Variants in FREM2 observed in about 807,000 individuals in gnomAD.
The protein encoded by FREM2 is FRAS1-related extracellular matrix protein 2.
FREM2 carries 119 observed loss-of-function variants against 219.9 expected under a neutral mutation model. That is an observed-to-expected ratio of 0.54 (90% CI 0.47 to 0.63). The LOEUF is 0.63. FREM2 is among the 30% of genes least tolerant of loss of function. The pLI, the probability that FREM2 is intolerant of heterozygous loss-of-function variation, is 0.00. For missense variants in FREM2, 4,030 were observed against 3,993.6 expected (o/e 1.01, Z -0.25); for synonymous variants, 1,562 against 1,522.8 (o/e 1.03, Z -0.60).
chr13:38,832,362 A>T (rs541282315), intron 6 of FREM2, among the ~76,000 whole-genome samples: 1 of 152,040 alleles, frequency 6.6e-6, no homozygotes, highest in African/African-American at 2.4e-5. Flanking sequence ...GTTCATCAAC[A>T]TTTTTTTCTT....
chr13:38,750,659 G>T (rs1384812418), intron 2 of FREM2, among the ~76,000 whole-genome samples: 1 of 151,976 alleles, frequency 6.6e-6, no homozygotes, highest in Non-Finnish European at 1.5e-5. Flanking sequence ...GGGATAACTG[G>T]GTCATATGGT....
chr13:38,834,253 G>T (rs949183476), intron 6 of FREM2, among the ~76,000 whole-genome samples: 5 of 151,730 alleles, frequency 3.3e-5, no homozygotes, highest in African/African-American at 7.3e-5. Context: ...CTACTTATGA[G>T]TGAGAACATG....
intron 2 of FREM2, among the ~76,000 whole-genome samples, chr13:38,720,054 G>A (rs1461020668): frequency 6.6e-6 from 1 of 152,130 alleles, no homozygotes; most frequent in African/African-American, 2.4e-5. Context: ...TTTAGGGAAA[G>A]GAAATGAGGG....
chr13:38,873,663 A>T (rs1878246164), intron 17 of FREM2, among the ~76,000 whole-genome samples: 1 of 152,150 alleles, frequency 6.6e-6, no homozygotes, highest in African/African-American at 2.4e-5. Context: ...TCTTTTTCAG[A>T]CATGTATTAC....
At chr13:38,773,190 T>C (rs567679714) in intron 4 of FREM2, among the ~76,000 whole-genome samples, 1 of 152,264 alleles carries the variant, frequency 6.6e-6, no homozygotes, top group Non-Finnish European at 1.5e-5. Context: ...TCACATACAG[T>C]TATATGCTTG....
intron 20 of FREM2, 34 bp downstream of exon 20, chr13:38,876,416 C>T (rs1199788834): frequency 1.9e-6 from 3 of 1,581,556 alleles, no homozygotes; most frequent in South Asian, 1.1e-5. Context: ...TTATGACTTG[C>T]AGAATCCCAC....
chr13:38,813,504 CT>C (rs1187681753), intron 6 of FREM2, among the ~76,000 whole-genome samples: 57 of 12,132 alleles, frequency 4.7e-3, no homozygotes, highest in South Asian at 6.9e-3. Flanking sequence ...CTCTCTCTCT[CT>C]CTCTCTCTCT....
chr13:38,802,987 G>T (rs529688959), intron 6 of FREM2, among the ~76,000 whole-genome samples: 6 of 152,128 alleles, frequency 3.9e-5, no homozygotes, highest in African/African-American at 1.4e-4. Flanking sequence ...TTTGCTTTTG[G>T]TGCTTCCCAT....
rs146101509 is a variant in FREM2, at chr13:38,694,580, G to A, written c.5173+2063G>A. On this transcript the variant is annotated intron_variant, in intron 1 of 23. Transcript: ENST00000280481. ...TTTTGTTTTTGCTTTATCATGAAGG[G>A]ATAAGGTAAACCTATATTTTGATGG... 8.5e-5 allele frequency among the ~76,000 whole-genome samples: 13 copies of A among 152,272 alleles called. No homozygotes were observed. In the East Asian group the frequency reaches 2.5e-3, roughly 29 times the overall value.
rs969716048 is a variant in FREM2 at position 38,766,205 on chromosome 13, CT to C, written c.5410+1764del. Among the ~76,000 whole-genome samples the C allele has an allele frequency of 2.9e-4, 44 of 151,456 alleles. No individual in the cohort carries two copies. The East Asian group carries it at 3.5e-3, about 12-fold the overall frequency. On this transcript the variant is annotated intron_variant, in intron 3 of 23. Transcript: ENST00000280481. ...AAAGATTGTAAAATTATTTTTTTGC[CT>C]TTTTTTTTCTCCACTGCCTCTTTTT...
intron 2 of FREM2, among the ~76,000 whole-genome samples, chr13:38,708,387 C>T (rs1870625150): frequency 6.6e-6 from 1 of 152,200 alleles, no homozygotes; most frequent in African/African-American, 2.4e-5. Context: ...GGCGCAGTGG[C>T]TCATGCCTGT....
chr13:38,870,685 A>G (rs1878126694), intron 16 of FREM2, among the ~76,000 whole-genome samples: 2 of 152,124 alleles, frequency 1.3e-5, no homozygotes, highest in African/African-American at 4.8e-5. Flanking sequence ...GTACTAAGAA[A>G]ATGCAATGGA....
chr13:38,801,847 G>T (rs1239790323), intron 6 of FREM2, among the ~76,000 whole-genome samples: 1 of 152,156 alleles, frequency 6.6e-6, no homozygotes, highest in Non-Finnish European at 1.5e-5. Flanking sequence ...ATCAGTGGCA[G>T]TGGTAGGCCA....
chr13:38,856,119 T>C lies in FREM2; in HGVS notation c.6926-7T>C, dbSNP rs1877547573. The C allele has an allele frequency of 6.2e-7, 1 of 1,600,920 alleles. No homozygotes were observed. The highest frequency in any genetic ancestry group is 8.6e-7 in the Non-Finnish European group (1 of 1,169,224). On this transcript the variant is annotated splice_polypyrimidine_tract_variant and splice_region_variant and intron_variant, in intron 11 of 23. Coordinates refer to ENST00000280481, the MANE Select transcript of FREM2 (RefSeq NM_207361.6). ...AATGATTTAAATCTGTGATGTTACA[T>C]TTGTAGAAATTGAGTTTAAGGAAGG... is the stretch of plus-strand genomic sequence containing the variant.
At chr13:38,862,905 G>A (rs1877814834) in intron 15 of FREM2, among the ~76,000 whole-genome samples, 1 of 152,140 alleles carries the variant, frequency 6.6e-6, no homozygotes, top group African/African-American at 2.4e-5. Context: ...CTTTCACATA[G>A]TAGTGGCTTT....
Position 38,872,786 on chromosome 13 carries a change from G to A in FREM2, c.8028G>A (p.Leu2676=). Residue 2676 remains leucine (L), a synonymous_variant, in exon 17 of 24, where the codon CTG becomes CTA. Coordinates refer to ENST00000280481, the MANE Select transcript of FREM2 (RefSeq NM_207361.6). ...VQSYVTLRVP[L]YVSYVFHSPV... is the part of the protein sequence containing the mutation. The stretch of plus-strand genomic sequence containing the variant: ...CCTATGTGACCCTTCGAGTCCCTCT[G>A]TATGTTTCCTACGTGTTCCATTCCC... The A allele has an allele frequency of 3.7e-6, 6 of 1,614,022 alleles. No individual in the cohort carries two copies. Among genetic ancestry groups the A allele is most frequent in the Non-Finnish European group, 5.1e-6 (6 of 1,179,942 alleles).
Position 38,690,448 on chromosome 13 carries a change from G to C in FREM2, c.3104G>C (p.Ser1035Thr), listed in dbSNP as rs775295548. 1.2e-6 allele frequency: 2 copies of C among 1,614,234 alleles called. No individual in the cohort carries two copies. Among genetic ancestry groups the C allele is most frequent in the Non-Finnish European group, 8.5e-7 (1 of 1,180,050 alleles). ...CCTAAAGCGGATTCTTTTAACCTGA[G>C]TCTGTCAGATATGTCTCAAGAATGG... ...LLPKADSFNL[S>T]LSDMSQEWRI... is the part of the protein sequence containing the mutation. Residue 1035 changes from serine (S) to threonine (T), a missense_variant, in exon 1 of 24, where the codon AGT becomes ACT. Transcript: ENST00000280481.
At chr13:38,786,676 T>G (rs747787623) in intron 6 of FREM2, among the ~76,000 whole-genome samples, 3 of 151,044 alleles carry the variant, frequency 2.0e-5, no homozygotes, top group Non-Finnish European at 2.9e-5. Context: ...GTTCAGTTTG[T>G]TTTTTTTGGC....
intron 1 of FREM2, 94 bp downstream of exon 1, chr13:38,692,611 AG>A (rs1869943869): frequency 4.9e-6 from 7 of 1,421,384 alleles, no homozygotes; most frequent in Non-Finnish European, 6.9e-6. Flanking sequence ...TTAGAGTCCA[AG>A]AGAAGGAAAG....
Sources: allele counts gnomAD v4.1 joint callset (sites outside exome capture counted in the v4.1 genomes callset), GRCh38; gene constraint gnomAD v4.1.1; transcripts MANE v1.5; gene names NCBI Gene and HGNC (gene_info 2026-07-23, HGNC 2026-07-21).